The following ZNF354A variants were observed in gnomAD, a reference collection of about 807,000 sequenced individuals.
The protein encoded by ZNF354A is zinc finger protein 354A.
Under a neutral mutation model 53.3 loss-of-function variants are expected in ZNF354A, and 25 were observed. The ratio of observed to expected loss-of-function variants is 0.47; its 90% CI spans 0.34 to 0.66. The LOEUF is 0.66. Ranked by LOEUF, ZNF354A falls within the 30% of genes least tolerant of loss-of-function variation. The pLI is 0.01. For missense variants in ZNF354A, 586 were observed against 716.8 expected, an observed-to-expected ratio of 0.82 and a Z score of 2.08; for synonymous variants, 228 against 249.0, an observed-to-expected ratio of 0.92 and a Z score of 0.79.
chr5:178,722,029 G>A (rs1765821503), intron 4 of ZNF354A, among the ~76,000 whole-genome samples: 2 of 151,976 alleles, frequency 1.3e-5, no homozygotes, highest in African/African-American at 4.8e-5. Context: ...CCCATCTACT[G>A]CTACCATTCC....
chr5:178,720,829 C>T (rs1301076034), intron 4 of ZNF354A, among the ~76,000 whole-genome samples: 1 of 150,564 alleles, frequency 6.6e-6, no homozygotes, highest in Non-Finnish European at 1.5e-5. Flanking sequence ...TCAAAATTAA[C>T]ACCACTGCTT....
intron 4 of ZNF354A, among the ~76,000 whole-genome samples, chr5:178,723,369 T>C (rs1765847972): frequency 6.6e-6 from 1 of 152,208 alleles, no homozygotes; most frequent in Non-Finnish European, 1.5e-5. Context: ...AGCCTAGGCC[T>C]GCCCTGGGCT....
intron 4 of ZNF354A, among the ~76,000 whole-genome samples, chr5:178,714,724 A>G (rs188151501): frequency 2.0e-5 from 3 of 152,162 alleles, no homozygotes; most frequent in Admixed American, 2.0e-4. Flanking sequence ...ATATATACAA[A>G]TATGCACATG....
chr5:178,716,797 G>A (rs1382385282), intron 4 of ZNF354A, among the ~76,000 whole-genome samples: 7 of 152,106 alleles, frequency 4.6e-5, no homozygotes, highest in African/African-American at 7.2e-5. Context: ...CCTGGAACGG[G>A]GCCGGGCGTG....
chr5:178,726,862 A>G, intron 3 of ZNF354A, 137 bp downstream of exon 3: 1 of 1,316,328 alleles, frequency 7.6e-7, no homozygotes, highest in Non-Finnish European at 1.0e-6. Context: ...TTTAATGTTT[A>G]TTTATAAAGA....
intron 4 of ZNF354A, among the ~76,000 whole-genome samples, chr5:178,724,689 A>G (rs941716317): frequency 6.6e-6 from 1 of 152,216 alleles, no homozygotes; most frequent in Admixed American, 6.5e-5. Flanking sequence ...AAGTGTAACT[A>G]ATGTCATCAG....
chr5:178,713,357 A>G lies in ZNF354A; in HGVS notation c.521T>C (p.Leu174Pro), dbSNP rs201784705. Residue 174 changes from leucine (L) to proline (P), a missense_variant, in exon 5 of 5, where the codon CTT (leucine) becomes CCT (proline). Leu to Pro is a moderately conservative substitution (Grantham distance 98). Around this residue, in one of 2 missense-constraint regions of ZNF354A, gnomAD observed 573 missense variants for 680.1 expected, o/e 0.84. Coordinates refer to ENST00000335815, the MANE Select transcript of ZNF354A (RefSeq NM_005649.3). ...TCTGGGAAGTATCTGTTGCCTAATAAGCACTGACTTTGGGCTGAAGTTTTG... is the reference window on the plus strand; with the variant it reads ...TCTGGGAAGTATCTGTTGCCTAATAGGCACTGACTTTGGGCTGAAGTTTTG... The part of the protein sequence containing the change: ...LSQNFSPKSV[L>P]IRQQILPREK... 6.2e-6 allele frequency: 10 copies of G among 1,614,174 alleles called. No individual in the cohort carries two copies. Among genetic ancestry groups the G allele is most frequent in the Non-Finnish European group, 8.5e-6 (10 of 1,180,018 alleles).
chr5:178,725,423 TCTC>T lies in ZNF354A; in HGVS notation c.206_208del (p.Gly69del), dbSNP rs1765887021. On this transcript the variant is annotated inframe_deletion, in exon 4 of 5. Transcript: ENST00000335815. ...GTCTTTCTCCACCTCCCAGGGATCT[TCTC>T]CTTGCTGCAACAGGGAGATCACTTT... The T allele has an allele frequency of 1.2e-6, 2 of 1,614,168 alleles. No individual in the cohort carries two copies. The highest frequency in any genetic ancestry group is 1.3e-5 in the African/African-American group (1 of 75,054).
intron 4 of ZNF354A, among the ~76,000 whole-genome samples, chr5:178,724,784 T>C (rs1449231778): frequency 6.6e-6 from 1 of 152,204 alleles, no homozygotes; most frequent in Non-Finnish European, 1.5e-5. Flanking sequence ...AATGGTGGCG[T>C]CCTAACAATG....
At chr5:178,728,388 A>G (rs1405055635) in intron 2 of ZNF354A, among the ~76,000 whole-genome samples, 1 of 152,212 alleles carries the variant, frequency 6.6e-6, no homozygotes, top group African/African-American at 2.4e-5. Flanking sequence ...TTAAAATGGT[A>G]TATTTTATGT....
intron 4 of ZNF354A, among the ~76,000 whole-genome samples, chr5:178,715,827 C>G (rs1765701170): frequency 6.6e-6 from 1 of 151,980 alleles, no homozygotes; most frequent in Non-Finnish European, 1.5e-5. Flanking sequence ...ATTACTATCT[C>G]TACCATAATC....
At chr5:178,721,616 A>G (rs1765814170) in intron 4 of ZNF354A, among the ~76,000 whole-genome samples, 1 of 152,174 alleles carries the variant, frequency 6.6e-6, no homozygotes, top group Non-Finnish European at 1.5e-5. Flanking sequence ...GGTCCTCCTC[A>G]TTCCACTTTA....
At chr5:178,721,904 C>G (rs1445737355) in intron 4 of ZNF354A, among the ~76,000 whole-genome samples, 2 of 152,188 alleles carry the variant, frequency 1.3e-5, no homozygotes, top group Non-Finnish European at 2.9e-5. Context: ...ACCTCTGAAT[C>G]AAAACCTTAA....
At chr5:178,716,807 G>C (rs1273647952) in intron 4 of ZNF354A, among the ~76,000 whole-genome samples, 1 of 152,072 alleles carries the variant, frequency 6.6e-6, no homozygotes, top group South Asian at 2.1e-4. Flanking sequence ...GGCCGGGCGT[G>C]GTGGCTCACA....
chr5:178,718,529 T>C (rs1771277701), intron 4 of ZNF354A, among the ~76,000 whole-genome samples: 1 of 152,230 alleles, frequency 6.6e-6, no homozygotes, highest in Non-Finnish European at 1.5e-5. Flanking sequence ...TACAGAGGTC[T>C]TTCCAACTGC....
Position 178,729,872 on chromosome 5 carries a change from G to GCTTCTTTTTTTTT in ZNF354A, c.-52+683_-52+684insAAAAAAAAAGAAG, listed in dbSNP as rs746292908. Among the ~76,000 whole-genome samples the GCTTCTTTTTTTTT allele has an allele frequency of 3.9e-3, 554 of 143,322 alleles. 25 individuals are homozygous for GCTTCTTTTTTTTT. Among genetic ancestry groups the GCTTCTTTTTTTTT allele is most frequent in the Non-Finnish European group, 4.8e-3 (314 of 65,622 alleles). 94.0% of individuals were successfully genotyped at this position (143,322 alleles called of 152,430 possible). Reference sequence around the variant, plus strand: ...CCATGTATCCCATTTCTAACACGATGTTTCTTTTTTGAGACGGAGTCTCGC... The same window carrying GCTTCTTTTTTTTT: ...CCATGTATCCCATTTCTAACACGATGCTTCTTTTTTTTTTTTCTTTTTTGAGACGGAGTCTCGC... On this transcript the variant is annotated intron_variant, in intron 1 of 4. Coordinates refer to ENST00000335815, the MANE Select transcript of ZNF354A (RefSeq NM_005649.3).
At chr5:178,721,499 C>T (rs1270871342) in intron 4 of ZNF354A, among the ~76,000 whole-genome samples, 1 of 149,390 alleles carries the variant, frequency 6.7e-6, no homozygotes, top group Non-Finnish European at 1.5e-5. Flanking sequence ...AATACACACA[C>T]ACTTTTCTTG....
At chr5:178,719,475 GA>G (rs1765769342) in intron 4 of ZNF354A, among the ~76,000 whole-genome samples, 1 of 152,240 alleles carries the variant, frequency 6.6e-6, no homozygotes, top group Admixed American at 6.5e-5. Context: ...TGTTTCGTAA[GA>G]ATTGACATAT....
chr5:178,723,716 G>A (rs1329888293), intron 4 of ZNF354A, among the ~76,000 whole-genome samples: 1 of 151,922 alleles, frequency 6.6e-6, no homozygotes, highest in Non-Finnish European at 1.5e-5. Context: ...TCCAGAAGCA[G>A]GAGACCTGTG....
Sources: gnomAD v4.1 joint callset for allele counts (sites outside exome capture counted in the v4.1 genomes callset) on GRCh38, gnomAD v4.1.1 for gene constraint, gnomAD v4.1.1 regional missense constraint, MANE v1.5 for transcripts, NCBI Gene and HGNC (gene_info 2026-07-23, HGNC 2026-07-21) for gene names.